EIF3E: variants seen among roughly 807,000 people sequenced by gnomAD.
EIF3E encodes eIF-3 p48.
In EIF3E, 25 loss-of-function variants were observed where a neutral mutation model predicts 59.3. The ratio of observed to expected loss-of-function variants is 0.42; its 90% CI spans 0.31 to 0.59. The LOEUF is 0.59. Among genes scored for constraint, EIF3E ranks in the 20% least tolerant of loss-of-function variants. The pLI, the probability that EIF3E is intolerant of heterozygous loss-of-function variation, is 0.15. For missense variants in EIF3E, 317 were observed against 534.3 expected (o/e 0.59, Z 4.01); for synonymous variants, 176 against 170.2 (o/e 1.03, Z -0.26).
intron 4 of EIF3E, 81 bp downstream of exon 4, chr8:108,236,080 C>A: frequency 9.3e-7 from 1 of 1,078,636 alleles, no homozygotes; most frequent in Non-Finnish European, 1.3e-6. Flanking sequence ...TTAGGCCAAG[C>A]CATAAGCTCA....
intron 7 of EIF3E, chr8:108,226,072 T>C (rs1391947870): frequency 6.6e-6 from 1 of 152,190 alleles, no homozygotes; most frequent in African/African-American, 2.4e-5. Context: ...AAGAAAATTG[T>C]TTCATTATTC....
chr8:108,215,921 C>A (rs564964006), intron 9 of EIF3E, among the ~76,000 whole-genome samples: 1 of 152,092 alleles, frequency 6.6e-6, no homozygotes, highest in Non-Finnish European at 1.5e-5. Flanking sequence ...TTATAAAATT[C>A]GTAATTACAA....
At chr8:108,233,668 T>C in intron 5 of EIF3E, 1 of 412,250 alleles carries the variant, frequency 2.4e-6, no homozygotes, top group Admixed American at 2.6e-5. Context: ...ATAGCAAGAC[T>C]CCATCTTGGA....
chr8:108,202,814 A>G (rs2129832519), intron 12 of EIF3E, among the ~76,000 whole-genome samples, 169 bp downstream of exon 12: 1 of 152,244 alleles, frequency 6.6e-6, no homozygotes, highest in East Asian at 1.9e-4. Flanking sequence ...TGTTTAATGC[A>G]TATAATACAT....
chr8:108,228,247 T>C lies in EIF3E; in HGVS notation c.722+20A>G. 6.4e-7 allele frequency: 1 copy of C among 1,560,512 alleles called. No individual in the cohort carries two copies. The highest frequency in any genetic ancestry group is 2.3e-5 in the East Asian group (1 of 43,286). ...AATTTTATCTAAACAAAGCCAAAAT[T>C]ACACAGTGAAATAACTTACTGTGGC... On this transcript the variant is annotated intron_variant, in intron 7 of 12. Transcript: ENST00000220849.
rs1449318405 is a variant in EIF3E, at chr8:108,217,321, A to G, written c.849+13T>C. 6.6e-6 allele frequency: 10 copies of G among 1,518,472 alleles called. No homozygotes were observed. Among genetic ancestry groups the G allele is most frequent in the Non-Finnish European group, 5.3e-6 (6 of 1,134,090 alleles). The allele number at this position is 1,518,472 out of a possible 1,614,324, so 94.1% of individuals were successfully genotyped here. On this transcript the variant is annotated intron_variant, in intron 8 of 12. Coordinates refer to ENST00000220849, the MANE Select transcript of EIF3E (RefSeq NM_001568.3). ...TATTTAAAAAAAAAAATCAATATAT[A>G]TTTTAGTTTTACCTGTTGAATAACT...
rs576361687 is a variant in EIF3E, at chr8:108,205,052, A to C, written c.1062-1549T>G. 4.4e-4 allele frequency among the ~76,000 whole-genome samples: 67 copies of C among 152,258 alleles called. 4 individuals carry two copies. In the South Asian group the frequency reaches 0.013, roughly 30 times the overall value. ...TAAAATATTTAAGAGTATGTAGTAT[A>C]CATGCATGTATGTATGTGTGTTTAT... On this transcript the variant is annotated intron_variant, in intron 10 of 12. Coordinates refer to ENST00000220849, the MANE Select transcript of EIF3E (RefSeq NM_001568.3).
chr8:108,206,136 C>A (rs1482906720), intron 10 of EIF3E, among the ~76,000 whole-genome samples: 1 of 152,064 alleles, frequency 6.6e-6, no homozygotes, highest in Non-Finnish European at 1.5e-5. Flanking sequence ...ACTTTGTTGA[C>A]ATTTACTCAA....
chr8:108,224,623 T>C (rs891579959), intron 7 of EIF3E, among the ~76,000 whole-genome samples: 15 of 151,638 alleles, frequency 9.9e-5, no homozygotes, highest in African/African-American at 3.7e-4. Flanking sequence ...ACAGTACTTT[T>C]GTAAACAACT....
intron 7 of EIF3E, chr8:108,227,194 T>C (rs960030410): frequency 3.9e-5 from 6 of 152,100 alleles, no homozygotes; most frequent in African/African-American, 1.4e-4. Flanking sequence ...CATGGTGGCA[T>C]GTGCCTGTAG....
chr8:108,230,887 T>C (rs894074120), intron 5 of EIF3E, among the ~76,000 whole-genome samples: 1 of 152,074 alleles, frequency 6.6e-6, no homozygotes, highest in Non-Finnish European at 1.5e-5. Context: ...CCTCAAAAAC[T>C]TGCTGGTAAA....
At chr8:108,212,563 A>G (rs981478237) in intron 10 of EIF3E, among the ~76,000 whole-genome samples, 2 of 152,210 alleles carry the variant, frequency 1.3e-5, no homozygotes, top group African/African-American at 4.8e-5. Flanking sequence ...GCACTTTGGG[A>G]GAACAAGGCA....
chr8:108,205,003 T>C (rs1407976065), intron 10 of EIF3E, among the ~76,000 whole-genome samples: 1 of 152,124 alleles, frequency 6.6e-6, no homozygotes, highest in African/African-American at 2.4e-5. Flanking sequence ...GTTCCGCTGA[T>C]GGAAGAGTAC....
At chr8:108,210,107 A>C (rs1815179246) in intron 10 of EIF3E, among the ~76,000 whole-genome samples, 1 of 151,664 alleles carries the variant, frequency 6.6e-6, no homozygotes, top group African/African-American at 2.4e-5. Flanking sequence ...TTTAAAACAC[A>C]GTCTATGGGG....
chr8:108,219,320 T>C (rs1425908062), intron 7 of EIF3E, among the ~76,000 whole-genome samples: 1 of 152,152 alleles, frequency 6.6e-6, no homozygotes, highest in East Asian at 1.9e-4. Context: ...GCCAGCAAAA[T>C]TTTTGTAAAG....
chr8:108,231,769 G>C (rs769071691), intron 5 of EIF3E: 28 of 151,792 alleles, frequency 1.8e-4, no homozygotes, highest in Non-Finnish European at 3.2e-4. Context: ...ATTTCTTGGA[G>C]TATAAATCAA....
chr8:108,214,813 A>G, intron 9 of EIF3E, 97 bp from the exon 10 acceptor site: 1 of 1,095,036 alleles, frequency 9.1e-7, no homozygotes, highest in South Asian at 1.5e-5. Context: ...CCATTCTACA[A>G]TCATGAGTTT....
intron 2 of EIF3E, among the ~76,000 whole-genome samples, chr8:108,240,771 G>A (rs1009194143): frequency 6.6e-6 from 1 of 152,180 alleles, no homozygotes; most frequent in Non-Finnish European, 1.5e-5. Flanking sequence ...CACGAGGTCA[G>A]GAGTTCAAGA....
chr8:108,206,755 A>T (rs1204824883), intron 10 of EIF3E, among the ~76,000 whole-genome samples: 1 of 152,118 alleles, frequency 6.6e-6, no homozygotes, highest in African/African-American at 2.4e-5. Context: ...GTAAGCTATG[A>T]TTGCGCCACT....
Sources: allele counts gnomAD v4.1 joint callset (sites outside exome capture counted in the v4.1 genomes callset), GRCh38; gene constraint gnomAD v4.1.1; transcripts MANE v1.5; gene names NCBI Gene and HGNC (gene_info 2026-07-23, HGNC 2026-07-21).